The following GLB1L variants were observed in gnomAD, a reference collection of about 807,000 sequenced individuals.
The protein encoded by GLB1L is galactosidase beta 1 like.
GLB1L carries 58 observed loss-of-function variants against 75.7 expected under a neutral mutation model. That is an observed-to-expected ratio of 0.77 (90% CI 0.62 to 0.95). GLB1L has a LOEUF of 0.95. Ranked by LOEUF, GLB1L falls within the 40% of genes least tolerant of loss-of-function variation. GLB1L has a pLI of 0.00. For synonymous variants in GLB1L, 296 were observed against 303.0 expected (o/e 0.98, Z 0.24); for missense variants, 797 against 805.5 (o/e 0.99, Z 0.13).
chr2:219,242,788 T>C lies in GLB1L; in HGVS notation c.370A>G (p.Ile124Val). Reference sequence around the variant, plus strand: ...CTCACCATCTCCCACTCTGCACAGATGTAAGGTCCTGGTCTCAGTATGACC... The same window carrying C: ...CTCACCATCTCCCACTCTGCACAGACGTAAGGTCCTGGTCTCAGTATGACC... ...LLVILRPGPY[I>V]CAEWEMGGLP... Residue 124 changes from isoleucine (I) to valine (V), a missense_variant, in exon 4 of 17, where the codon ATC (isoleucine) becomes GTC (valine). Coordinates refer to ENST00000295759, the MANE Select transcript of GLB1L (RefSeq NM_001286423.2). 6.2e-7 allele frequency: 1 copy of C among 1,614,176 alleles called. No homozygotes were observed. Among genetic ancestry groups the C allele is most frequent in the Non-Finnish European group, 8.5e-7 (1 of 1,180,036 alleles).
chr2:219,243,056 T>A, intron 3 of GLB1L, 92 bp downstream of exon 3: 1 of 1,540,680 alleles, frequency 6.5e-7, no homozygotes. Flanking sequence ...GGCCTAGGAG[T>A]CCTGGCAGTC....
Position 219,237,735 on chromosome 2 carries a change from G to A in GLB1L, c.1474-8C>T. 4 of 1,613,248 alleles carry A rather than the reference G, an allele frequency of 2.5e-6. No individual in the cohort carries two copies. The Middle Eastern group carries it at 4.9e-4, about 200-fold the overall frequency. ...TGGTGGCTTCAACAGGCCCTATAGG[G>A]AAGGAAAATGAAAAGTCATCATTCA... On this transcript the variant is annotated splice_region_variant and splice_polypyrimidine_tract_variant and intron_variant, in intron 15 of 16. Transcript: ENST00000295759.
rs1219589542 is a variant in GLB1L at position 219,242,838 on chromosome 2, T to C, written c.320A>G (p.Asn107Ser). The C allele has an allele frequency of 1.9e-6, 3 of 1,614,218 alleles. No individual in the cohort carries two copies. Among genetic ancestry groups the C allele is most frequent in the South Asian group, 1.1e-5 (1 of 91,092 alleles). ...NGSRDLIAFL[N>S]EAALANLLVI... ...CAACAGGTTCGCTAGAGCTGCCTCA[T>C]TCAGAAAGGCAATGAGGTCCCGGCT... Residue 107 changes from asparagine to serine, a missense_variant, in exon 4 of 17, where the codon AAT (asparagine) becomes AGT (serine). Transcript: ENST00000295759.
At chr2:219,239,863 A>C (rs879438522) in intron 7 of GLB1L, 30 bp from the exon 8 acceptor site, 2 of 1,614,120 alleles carry the variant, frequency 1.2e-6, no homozygotes, top group Non-Finnish European at 8.5e-7. Flanking sequence ...GAAAAAGATA[A>C]ATGTCGTGGA....
In GLB1L at chr2:219,242,779, C is replaced by T; in HGVS notation, c.379G>A (p.Glu127Lys). The T allele has an allele frequency of 6.2e-7, 1 of 1,614,186 alleles. No homozygotes were observed. Among genetic ancestry groups the T allele is most frequent in the Non-Finnish European group, 8.5e-7 (1 of 1,180,044 alleles). ...TCCAGCTAACTCACCATCTCCCACTCTGCACAGATGTAAGGTCCTGGTCTC... is the reference window on the plus strand; with the variant it reads ...TCCAGCTAACTCACCATCTCCCACTTTGCACAGATGTAAGGTCCTGGTCTC... ...ILRPGPYICA[E>K]WEMGGLPSWL... The change falls in exon 4 of 17, where the codon GAG becomes AAG. Residue 127 changes from glutamate to lysine, a missense_variant. Glu to Lys is a moderately conservative substitution (Grantham distance 56, BLOSUM62 1). Coordinates refer to ENST00000295759, the MANE Select transcript of GLB1L (RefSeq NM_001286423.2).
chr2:219,241,913 G>A (rs1951403626), intron 5 of GLB1L, among the ~76,000 whole-genome samples: 1 of 152,108 alleles, frequency 6.6e-6, no homozygotes, highest in South Asian at 2.1e-4. Context: ...GAGAGAGATG[G>A]TTTGGACCAG....
rs1215197601 is a variant in GLB1L at position 219,241,432 on chromosome 2, G to GTATATA, written c.451+1081_451+1082insTATATA. On this transcript the variant is annotated intron_variant, in intron 5 of 16. Coordinates refer to ENST00000295759, the MANE Select transcript of GLB1L (RefSeq NM_001286423.2). ...TATATATGTGTGTGTGTGTGTGTGT[G>GTATATA]TGTGTGTGTGTATATATATATATAT... Among the ~76,000 whole-genome samples the GTATATA allele has an allele frequency of 3.0e-3, 209 of 68,778 alleles. 2 individuals are homozygous for GTATATA. The highest frequency in any genetic ancestry group is 5.7e-3 in the Admixed American group (32 of 5,626). 45.1% of individuals were successfully genotyped at this position (68,778 alleles called of 152,430 possible).
chr2:219,242,998 T>C, intron 3 of GLB1L, 80 bp from the exon 4 acceptor site: 2 of 1,586,878 alleles, frequency 1.3e-6, no homozygotes, highest in Non-Finnish European at 1.7e-6. Flanking sequence ...GCAGGGAATC[T>C]CCAGGAAGCG....
chr2:219,238,983 T>G, intron 11 of GLB1L, 109 bp downstream of exon 11: 1 of 894,492 alleles, frequency 1.1e-6, no homozygotes, highest in Non-Finnish European at 1.8e-6. Context: ...CTCAGAAGGC[T>G]CTGTGGCCCA....
At chr2:219,242,996 T>A in intron 3 of GLB1L, 78 bp from the exon 4 acceptor site, 2 of 1,590,716 alleles carry the variant, frequency 1.3e-6, no homozygotes, top group Non-Finnish European at 8.6e-7. Flanking sequence ...TTGCAGGGAA[T>A]CTCCAGGAAG....
rs1278386180 is a variant in GLB1L at position 219,238,563 on chromosome 2, G to A, written c.1159C>T (p.Leu387=). The A allele has an allele frequency of 6.2e-7, 1 of 1,613,872 alleles. No individual in the cohort carries two copies. Among genetic ancestry groups the A allele is most frequent in the East Asian group, 2.2e-5 (1 of 44,900 alleles). Residue 387 remains leucine (L), a synonymous_variant, in exon 13 of 17, where the codon CTA becomes TTA. Coordinates refer to ENST00000295759, the MANE Select transcript of GLB1L (RefSeq NM_001286423.2). ...GGCCCACGGGGGCAAAGCAAGTCTA[G>A]GAAAGCCAGTAAATGCCCAACCTAT... The part of the protein sequence containing the change: ...LHLVGHLLAF[L]DLLCPRGPIH...
rs1951309769 is a variant in GLB1L, at chr2:219,238,558, G to A, written c.1164C>T (p.Asp388=). The A allele has an allele frequency of 6.2e-7, 1 of 1,613,950 alleles. No homozygotes were observed. Among genetic ancestry groups the A allele is most frequent in the African/African-American group, 1.3e-5 (1 of 74,896 alleles). ...GAATGGGCCCACGGGGGCAAAGCAA[G>A]TCTAGGAAAGCCAGTAAATGCCCAA... The part of the protein sequence containing the change: ...HLVGHLLAFL[D]LLCPRGPIHS... Residue 388 remains aspartate, a synonymous_variant, in exon 13 of 17, where the codon GAC becomes GAT. Coordinates refer to ENST00000295759, the MANE Select transcript of GLB1L (RefSeq NM_001286423.2).
In GLB1L at chr2:219,240,244, G is replaced by A. The variant is rs375717125; in HGVS notation, c.493C>T (p.Pro165Ser). Residue 165 changes from proline (P) to serine (S), a missense_variant, in exon 6 of 17, where the codon CCC (proline) becomes TCC (serine). Pro to Ser is a moderately conservative substitution (Grantham distance 74). Coordinates refer to ENST00000295759, the MANE Select transcript of GLB1L (RefSeq NM_001286423.2). ...TGATAAAGCCATGGATATATCTTGG[G>A]CAGCAAGACCTTGAACCAGGAGTCC... ...AVDSWFKVLL[P>S]KIYPWLYHNG... The A allele has an allele frequency of 1.2e-6, 2 of 1,614,202 alleles. No individual in the cohort carries two copies. The highest frequency in any genetic ancestry group is 1.7e-6 in the Non-Finnish European group (2 of 1,180,038).
At chr2:219,237,402 T>C in intron 16 of GLB1L, 55 bp from the exon 17 acceptor site, 2 of 1,599,422 alleles carry the variant, frequency 1.3e-6, no homozygotes, top group Non-Finnish European at 1.7e-6. Context: ...TCTCCAGGGG[T>C]AGAATCATAC....
At position 219,242,541 on chromosome 2, in the gene GLB1L, C is replaced by T. The variant is rs553553552; in HGVS notation, c.424G>A (p.Glu142Lys). Residue 142 changes from glutamate (E) to lysine (K), a missense_variant, in exon 5 of 17, where the codon GAA becomes AAA. Physicochemically the swap from Glu to Lys is moderately conservative, Grantham distance 56. Transcript: ENST00000295759. ...GGATCTGAGGTTCTTAGATGAATTT[C>T]AGGTTTTCGAAGCAACCAGGATGGG... The part of the protein sequence containing the change: ...GLPSWLLRKP[E>K]IHLRTSDPDF... 4.9e-4 allele frequency: 793 copies of T among 1,613,630 alleles called. 13 individuals carry two copies. In the South Asian group the frequency reaches 8.2e-3, roughly 17 times the overall value.
At chr2:219,240,951 G>A (rs1951370068) in intron 5 of GLB1L, among the ~76,000 whole-genome samples, 1 of 152,100 alleles carries the variant, frequency 6.6e-6, no homozygotes, top group South Asian at 2.1e-4. Context: ...GGGCAAGGTG[G>A]TAGGTGCCTG....
chr2:219,241,857 G>A (rs1429207903), intron 5 of GLB1L, among the ~76,000 whole-genome samples: 1 of 152,070 alleles, frequency 6.6e-6, no homozygotes, highest in African/African-American at 2.4e-5. Context: ...ATGGGGGAGA[G>A]GGCAAACAAG....
Position 219,237,542 on chromosome 2 carries a change from G to A in GLB1L, c.1659C>T (p.Asp553=), listed in dbSNP as rs1951280428. ...TCCATCCAGGTAGATATAGAAATGT[G>A]TCCCCAACTGAGCCTAAAATTGGAA... The part of the protein sequence containing the change: ...KTFPILGSVG[D]TFLYLPGWTK... The change falls in exon 16 of 17, where the codon GAC becomes GAT. Residue 553 remains aspartate, a synonymous_variant. Transcript: ENST00000295759. 2 of 1,613,970 alleles carry A rather than the reference G, an allele frequency of 1.2e-6. No individual in the cohort carries two copies. Among genetic ancestry groups the A allele is most frequent in the Admixed American group, 1.7e-5 (1 of 59,990 alleles).
chr2:219,238,404 A>C, intron 13 of GLB1L, 41 bp from the exon 14 acceptor site: 1 of 1,561,346 alleles, frequency 6.4e-7, no homozygotes, highest in South Asian at 1.1e-5. Flanking sequence ...AACAGAAATA[A>C]AAGAGGACAC....
Sources: gnomAD v4.1 joint callset for allele counts (sites outside exome capture counted in the v4.1 genomes callset) on GRCh38, gnomAD v4.1.1 for gene constraint, MANE v1.5 for transcripts, NCBI Gene and HGNC (gene_info 2026-07-23, HGNC 2026-07-21) for gene names.